DPP3: variants seen among roughly 807,000 people sequenced by gnomAD.
The protein encoded by DPP3 is DPP III.
Under a neutral mutation model 89.8 loss-of-function variants are expected in DPP3, and 64 were observed. The ratio of observed to expected loss-of-function variants is 0.71; its 90% CI spans 0.58 to 0.88. The LOEUF (loss-of-function observed/expected upper bound fraction) is 0.88, where lower values mean the gene tolerates loss of function less well. Among genes scored for constraint, DPP3 ranks in the 40% least tolerant of loss-of-function variants. The probability of loss-of-function intolerance (pLI) is 0.00; values close to 1 mark genes in which losing one functional copy is unlikely to be tolerated. For synonymous variants in DPP3, 377 were observed against 404.3 expected (o/e 0.93, Z 0.81); for missense variants, 835 against 972.5 (o/e 0.86, Z 1.88).
intron 3 of DPP3, among the ~76,000 whole-genome samples, chr11:66,485,912 A>ATTTTC (rs113853030): frequency 0.05 from 7,252 of 144,416 alleles, 413 homozygotes; most frequent in Admixed American, 0.17. Context: ...CACCAGCTAA[A>ATTTTC]TTTTCTTTTC....
At position 66,487,928 on chromosome 11, in the gene DPP3, C is replaced by T; in HGVS notation, c.588C>T (p.Tyr196=). The change falls in exon 6 of 18, where the codon TAC becomes TAT. Residue 196 remains tyrosine (Y), a synonymous_variant. Transcript: ENST00000531863. ...DFLDSQNLSA[Y]NTRLFKEVDG... ...GTCTCTTCTAGAACCTCAGTGCCTA[C>T]AACACCCGGCTCTTCAAAGAGGTCG... 3.7e-6 allele frequency: 6 copies of T among 1,614,088 alleles called. No individual in the cohort carries two copies. The highest frequency in any genetic ancestry group is 1.7e-4 in the Middle Eastern group (1 of 6,058).
intron 6 of DPP3, 133 bp from the exon 7 acceptor site, chr11:66,491,120 G>A: frequency 1.5e-6 from 2 of 1,348,154 alleles, no homozygotes; most frequent in Admixed American, 4.4e-5. Flanking sequence ...GTTGGCTACA[G>A]GGAGCCATTG....
At chr11:66,489,872 G>A in intron 6 of DPP3, among the ~76,000 whole-genome samples, 1 of 152,142 alleles carries the variant, frequency 6.6e-6, no homozygotes, top group East Asian at 1.9e-4. Flanking sequence ...GTGGTAGCTG[G>A]GCTCCAAGAG....
intron 15 of DPP3, among the ~76,000 whole-genome samples, chr11:66,496,916 G>A (rs1423331100): frequency 6.6e-6 from 1 of 152,092 alleles, no homozygotes; most frequent in Admixed American, 6.6e-5. Context: ...TTCCCCTTTT[G>A]AGCACAAACA....
rs200655168 is a variant in DPP3 at position 66,495,258 on chromosome 11, C to T, written c.1442C>T (p.Thr481Met). 24 of 1,613,028 alleles carry T rather than the reference C, an allele frequency of 1.5e-5. No individual in the cohort carries two copies. The highest frequency in any genetic ancestry group is 4.5e-5 in the East Asian group (2 of 44,884). ...FDQETVINPE[T>M]GEQIQSWYRS... ...CAGGAAACAGTGATCAACCCAGAGACGGGCGAGCAGGTGAGGGAGGCCTCA... is the reference window on the plus strand; with the variant it reads ...CAGGAAACAGTGATCAACCCAGAGATGGGCGAGCAGGTGAGGGAGGCCTCA... The change falls in exon 13 of 18, where the codon ACG becomes ATG. Residue 481 changes from threonine to methionine, a missense_variant. Transcript: ENST00000531863.
intron 12 of DPP3, 105 bp downstream of exon 12, chr11:66,493,738 A>G: frequency 8.0e-7 from 1 of 1,248,512 alleles, no homozygotes; most frequent in Non-Finnish European, 1.1e-6. Context: ...CTCAGGAGCT[A>G]TGGGTTGAGT....
chr11:66,502,851 G>A (rs192921430), intron 16 of DPP3, among the ~76,000 whole-genome samples: 9 of 152,212 alleles, frequency 5.9e-5, no homozygotes, highest in East Asian at 1.9e-4. Flanking sequence ...CGCCCACCTC[G>A]TCCTCCCAAA....
rs866617145 is a variant in DPP3 at position 66,495,231 on chromosome 11, A to G, written c.1415A>G (p.Asp472Gly). The change falls in exon 13 of 18, where the codon GAC becomes GGC. Residue 472 changes from aspartate to glycine, a missense_variant. By Grantham distance (94) the Asp-to-Gly change is moderately conservative. Coordinates refer to ENST00000531863, the MANE Select transcript of DPP3 (RefSeq NM_130443.4). ...GACGAAAAAGGAGCATTCAACTTTGACCAGGAAACAGTGATCAACCCAGAG... is the reference window on the plus strand; with the variant it reads ...GACGAAAAAGGAGCATTCAACTTTGGCCAGGAAACAGTGATCAACCCAGAG... ...VQDEKGAFNF[D>G]QETVINPETG... is the part of the protein sequence containing the mutation. 1 of 1,612,410 alleles carries G rather than the reference A, an allele frequency of 6.2e-7. No homozygotes were observed. Among genetic ancestry groups the G allele is most frequent in the Admixed American group, 1.7e-5 (1 of 60,000 alleles).
chr11:66,498,907 G>A (rs1226415679), intron 16 of DPP3, among the ~76,000 whole-genome samples: 1 of 152,168 alleles, frequency 6.6e-6, no homozygotes, highest in African/African-American at 2.4e-5. Flanking sequence ...CAGCCACACA[G>A]GAGGCTGAGA....
In DPP3 at chr11:66,492,751, A is replaced by G. The variant is rs144876718; in HGVS notation, c.1024A>G (p.Lys342Glu). 2 of 1,610,336 alleles carry G rather than the reference A, an allele frequency of 1.2e-6. No homozygotes were observed. Among genetic ancestry groups the G allele is most frequent in the Non-Finnish European group, 1.7e-6 (2 of 1,178,436 alleles). ...TGTGGTGAACAAGGCCATGAGTGCC[A>G]AGTTTGAGCGGCTGGTGGCGAGCGC... ...VAVVNKAMSA[K>E]FERLVASAEQ... The change falls in exon 10 of 18, where the codon AAG (lysine) becomes GAG (glutamate). Residue 342 changes from lysine (K) to glutamate (E), a missense_variant. Transcript: ENST00000531863.
chr11:66,486,449 TC>T (rs1855228827), intron 3 of DPP3, 90 bp from the exon 4 acceptor site: 1 of 1,371,064 alleles, frequency 7.3e-7, no homozygotes. Flanking sequence ...AGCTCTTAGA[TC>T]ATAGGAGAAG....
intron 12 of DPP3, among the ~76,000 whole-genome samples, chr11:66,494,739 T>C (rs1311614755): frequency 1.3e-5 from 2 of 152,120 alleles, no homozygotes; most frequent in South Asian, 2.1e-4. Flanking sequence ...CCTCGGAAGA[T>C]GGTTGTGAGG....
chr11:66,486,590 A>G lies in DPP3; in HGVS notation c.411A>G (p.Pro137=). 1 of 1,583,234 alleles carries G rather than the reference A, an allele frequency of 6.3e-7. No individual in the cohort carries two copies. Among genetic ancestry groups the G allele is most frequent in the South Asian group, 1.1e-5 (1 of 87,032 alleles). Reference sequence around the variant, plus strand: ...GGAGTGAGGCTGCTCAGCAGCACCCAGAAGAAGTCAGGGGCCTCTGGCAGA... The same window carrying G: ...GGAGTGAGGCTGCTCAGCAGCACCCGGAAGAAGTCAGGGGCCTCTGGCAGA... ...ILGSEAAQQH[P]EEVRGLWQTC... is the part of the protein sequence containing the mutation. Residue 137 remains proline (P), a synonymous_variant, in exon 4 of 18, where the codon CCA becomes CCG. Transcript: ENST00000531863.
chr11:66,500,027 T>A (rs1470586062), intron 16 of DPP3, among the ~76,000 whole-genome samples: 3 of 152,106 alleles, frequency 2.0e-5, no homozygotes, highest in African/African-American at 4.8e-5. Context: ...TGGGGACTAC[T>A]GTACTGACAA....
intron 17 of DPP3, among the ~76,000 whole-genome samples, chr11:66,506,648 C>CA (rs1404179966): frequency 6.6e-6 from 1 of 152,098 alleles, no homozygotes; most frequent in Non-Finnish European, 1.5e-5. Context: ...CCAGCCTCAC[C>CA]ACCCCTTCTC....
intron 17 of DPP3, 97 bp from the exon 18 acceptor site, chr11:66,508,979 AAAC>A: frequency 6.8e-7 from 1 of 1,462,134 alleles, no homozygotes; most frequent in Non-Finnish European, 9.2e-7. Context: ...GCTCAGTAAG[AAAC>A]AGCTGCTGCT....
At chr11:66,488,311 C>A (rs1855289468) in intron 6 of DPP3, among the ~76,000 whole-genome samples, 1 of 152,234 alleles carries the variant, frequency 6.6e-6, no homozygotes. Context: ...CCTGTAATCC[C>A]AGCACTTTGG....
intron 17 of DPP3, among the ~76,000 whole-genome samples, chr11:66,507,224 T>G (rs1439499149): frequency 1.3e-5 from 2 of 151,912 alleles, no homozygotes; most frequent in African/African-American, 4.8e-5. Flanking sequence ...TCCCAGCACT[T>G]TGGGAGGCTG....
At chr11:66,484,109 C>T (rs1855160253) in intron 2 of DPP3, among the ~76,000 whole-genome samples, 1 of 152,062 alleles carries the variant, frequency 6.6e-6, no homozygotes, top group African/African-American at 2.4e-5. Flanking sequence ...TCCTGAGTAG[C>T]TGGTATTACA....
Sources: gnomAD v4.1 joint callset for allele counts (sites outside exome capture counted in the v4.1 genomes callset) on GRCh38, gnomAD v4.1.1 for gene constraint, MANE v1.5 for transcripts, NCBI Gene and HGNC (gene_info 2026-07-23, HGNC 2026-07-21) for gene names.